Variants in LUZP2 observed in about 807,000 individuals in gnomAD.
The protein encoded by LUZP2 is leucine zipper protein 2.
LUZP2 carries 52 observed loss-of-function variants against 51.6 expected under a neutral mutation model. The ratio of observed to expected loss-of-function variants is 1.01; its 90% confidence interval spans 0.81 to 1.27. The LOEUF (loss-of-function observed/expected upper bound fraction) is 1.27. LUZP2 is among the 50% of genes most tolerant of loss of function. LUZP2 has a pLI of 0.00. For synonymous variants in LUZP2, 154 were observed against 137.3 expected, an observed-to-expected ratio of 1.12 and a Z score of -0.85; for missense variants, 436 against 395.4, an observed-to-expected ratio of 1.10 and a Z score of -0.87.
intron 7 of LUZP2, among the ~76,000 whole-genome samples, chr11:24,970,265 C>T (rs1028192448): frequency 6.6e-6 from 1 of 152,032 alleles, no homozygotes; most frequent in East Asian, 1.9e-4. Context: ...TGTTGCATCC[C>T]CTACCCTACC....
chr11:24,958,410 A>G (rs1253992105), intron 7 of LUZP2, among the ~76,000 whole-genome samples: 1 of 151,982 alleles, frequency 6.6e-6, no homozygotes, highest in Non-Finnish European at 1.5e-5. Flanking sequence ...CCTCTCCAGC[A>G]CCTGTTGTTT....
chr11:24,964,624 G>T (rs1855528314), intron 7 of LUZP2, among the ~76,000 whole-genome samples: 1 of 151,980 alleles, frequency 6.6e-6, no homozygotes, highest in Non-Finnish European at 1.5e-5. Flanking sequence ...TAACTACAGG[G>T]TATATTATAC....
intron 1 of LUZP2, among the ~76,000 whole-genome samples, chr11:24,602,215 T>C (rs1232680856): frequency 1.0e-5 from 1 of 96,478 alleles, no homozygotes; most frequent in South Asian, 4.0e-4. Flanking sequence ...TGTGTATATA[T>C]GTATATATGT....
intron 1 of LUZP2, among the ~76,000 whole-genome samples, chr11:24,654,248 A>T (rs1043878016): frequency 2.6e-5 from 4 of 152,200 alleles, no homozygotes; most frequent in Non-Finnish European, 4.4e-5. Context: ...TCAATAAAAT[A>T]TCCCTAATAT....
chr11:24,655,328 C>T (rs967085498), intron 1 of LUZP2, among the ~76,000 whole-genome samples: 1 of 152,024 alleles, frequency 6.6e-6, no homozygotes, highest in Non-Finnish European at 1.5e-5. Flanking sequence ...GGTTTAGAAA[C>T]AGCTGTTTAT....
chr11:24,506,921 C>G (rs1850162004), intron 1 of LUZP2, among the ~76,000 whole-genome samples: 4 of 152,012 alleles, frequency 2.6e-5, no homozygotes, highest in Admixed American at 2.6e-4. Context: ...AAGTAATAAT[C>G]AGTACTACAA....
intron 1 of LUZP2, among the ~76,000 whole-genome samples, chr11:24,707,797 A>G (rs954030117): frequency 5.9e-5 from 9 of 152,200 alleles, no homozygotes; most frequent in African/African-American, 1.9e-4. Flanking sequence ...TAGCACTCGA[A>G]TATAAAATTT....
intron 3 of LUZP2, among the ~76,000 whole-genome samples, chr11:24,733,974 A>G (rs1443175089): frequency 2.0e-5 from 3 of 151,844 alleles, no homozygotes; most frequent in Non-Finnish European, 4.4e-5. Context: ...AAAAATGGCT[A>G]AAAGATGGCA....
intron 5 of LUZP2, among the ~76,000 whole-genome samples, chr11:24,773,881 C>A (rs1848826361): frequency 1.3e-5 from 2 of 152,180 alleles, no homozygotes; most frequent in South Asian, 4.2e-4. Context: ...GCCCGAGGAC[C>A]CTAACCACAA....
At chr11:24,551,233 G>A (rs10834382) in intron 1 of LUZP2, among the ~76,000 whole-genome samples, 63,421 of 151,752 alleles carry the variant, frequency 0.42, 13,739 homozygotes, top group African/African-American at 0.51. Context: ...TAATATATAC[G>A]TACTACAAAA....
chr11:24,622,444 G>A (rs1316615324), intron 1 of LUZP2, among the ~76,000 whole-genome samples: 1 of 152,066 alleles, frequency 6.6e-6, no homozygotes, highest in Non-Finnish European at 1.5e-5. Context: ...AGCTCAAGCA[G>A]CCTGCTTGCC....
chr11:24,976,268 C>G (rs1308530210), intron 7 of LUZP2, among the ~76,000 whole-genome samples: 1 of 151,868 alleles, frequency 6.6e-6, no homozygotes, highest in Admixed American at 6.6e-5. Flanking sequence ...TCTATATCAA[C>G]TAGAAATATA....
rs1306525597 is a variant in LUZP2 at position 24,592,680 on chromosome 11, G to A, written c.62+95375G>A. On this transcript the variant is annotated intron_variant, in intron 1 of 11. Transcript: ENST00000336930. The stretch of plus-strand genomic sequence containing the variant: ...GATCCTACTGATGTAATGGATGTGT[G>A]TTGGAGAAAAGAAAAAAAAAAAGCT... 9.0e-5 allele frequency among the ~76,000 whole-genome samples: 6 copies of A among 67,016 alleles called. No individual in the cohort carries two copies. The Admixed American group carries it at 1.4e-3, about 16-fold the overall frequency. The allele number at this position is 67,016 out of a possible 152,430, so 44.0% of individuals were successfully genotyped here.
At chr11:24,809,843 A>G (rs1156636868) in intron 5 of LUZP2, among the ~76,000 whole-genome samples, 1 of 152,152 alleles carries the variant, frequency 6.6e-6, no homozygotes, top group African/African-American at 2.4e-5. Context: ...TTATGATGAT[A>G]CAAAGGTATA....
At chr11:24,606,479 G>A (rs964300843) in intron 1 of LUZP2, among the ~76,000 whole-genome samples, 2 of 151,996 alleles carry the variant, frequency 1.3e-5, no homozygotes, top group Non-Finnish European at 2.9e-5. Flanking sequence ...ACCTGTAGGT[G>A]TGTGTGTCTA....
chr11:25,069,844 T>A (rs1482944915), intron 10 of LUZP2, among the ~76,000 whole-genome samples: 1 of 151,884 alleles, frequency 6.6e-6, no homozygotes, highest in Non-Finnish European at 1.5e-5. Flanking sequence ...TATTTTTTTT[T>A]AATTTGTTGT....
At chr11:24,566,342 T>A (rs1403460351) in intron 1 of LUZP2, among the ~76,000 whole-genome samples, 2 of 143,194 alleles carry the variant, frequency 1.4e-5, no homozygotes, top group African/African-American at 5.3e-5. Flanking sequence ...TTTTTTTTTT[T>A]TTTTTTGAGA....
intron 1 of LUZP2, among the ~76,000 whole-genome samples, chr11:24,574,170 TTTC>T (rs1370949538): frequency 1.1e-4 from 3 of 28,494 alleles, no homozygotes; most frequent in Non-Finnish European, 3.1e-4. Context: ...TTCAATTTTC[TTTC>T]TTTCTTTCTT....
At chr11:25,073,918 A>G (rs537824346) in intron 10 of LUZP2, among the ~76,000 whole-genome samples, 51 of 152,338 alleles carry the variant, frequency 3.3e-4, no homozygotes, top group Non-Finnish European at 6.3e-4. Flanking sequence ...CCCTTAAATT[A>G]ATTCCATAAA....
Sources: allele counts gnomAD v4.1 joint callset (sites outside exome capture counted in the v4.1 genomes callset), GRCh38; gene constraint gnomAD v4.1.1; transcripts MANE v1.5; gene names NCBI Gene and HGNC (gene_info 2026-07-23, HGNC 2026-07-21).